The following EXOC4 variants were observed in gnomAD, a reference collection of about 807,000 sequenced individuals.
The protein encoded by EXOC4 is exocyst complex component 4.
A neutral mutation model predicts 107.2 loss-of-function variants in EXOC4; 71 were observed. The ratio of observed to expected loss-of-function variants is 0.66; its 90% CI spans 0.55 to 0.81. The LOEUF is 0.81. EXOC4 is among the 30% of genes least tolerant of loss of function. The pLI is 0.00. For synonymous variants in EXOC4, 456 were observed against 441.2 expected, an observed-to-expected ratio of 1.03 and a Z score of -0.42; for missense variants, 1,108 against 1,189.6, an observed-to-expected ratio of 0.93 and a Z score of 1.01.
At chr7:133,939,295 T>G (rs1800373955) in intron 14 of EXOC4, among the ~76,000 whole-genome samples, 1 of 152,090 alleles carries the variant, frequency 6.6e-6, no homozygotes, top group South Asian at 2.1e-4. Context: ...TGGAAAGGTG[T>G]GGATTAAATT....
At chr7:133,374,136 C>G (rs1796435591) in intron 6 of EXOC4, among the ~76,000 whole-genome samples, 1 of 152,148 alleles carries the variant, frequency 6.6e-6, no homozygotes, top group Non-Finnish European at 1.5e-5. Flanking sequence ...AATGTACTGA[C>G]ATGGAAATCA....
At chr7:133,814,526 T>C (rs2550990) in intron 10 of EXOC4, among the ~76,000 whole-genome samples, 132,079 of 152,144 alleles carry the variant, frequency 0.87, 57,498 homozygotes, top group East Asian at 0.99. Flanking sequence ...GATATAGCTC[T>C]CAGAAGAATT....
At chr7:134,050,532 T>C (rs1469195713) in intron 17 of EXOC4, among the ~76,000 whole-genome samples, 2 of 152,166 alleles carry the variant, frequency 1.3e-5, no homozygotes, top group Non-Finnish European at 2.9e-5. Flanking sequence ...AAATGTTAAG[T>C]GGGTTACCCA....
intron 1 of EXOC4, among the ~76,000 whole-genome samples, chr7:133,263,799 A>G (rs1043354783): frequency 6.6e-6 from 1 of 151,860 alleles, no homozygotes; most frequent in Non-Finnish European, 1.5e-5. Flanking sequence ...AGGTTGATTG[A>G]TTGATGTTTT....
At chr7:134,096,788 C>T in the EXOC4 span, among the ~76,000 whole-genome samples, 4 of 152,090 alleles carry the variant, frequency 2.6e-5, no homozygotes, top group African/African-American at 9.7e-5. Flanking sequence ...ATTCTAGCCT[C>T]GCTGGCAGCT....
chr7:133,968,193 G>C (rs1014981044), intron 14 of EXOC4, among the ~76,000 whole-genome samples: 1 of 152,016 alleles, frequency 6.6e-6, no homozygotes, highest in Non-Finnish European at 1.5e-5. Flanking sequence ...CCATTTGCTT[G>C]GTAAATATTC....
intron 7 of EXOC4, among the ~76,000 whole-genome samples, chr7:133,405,780 A>C (rs1053636850): frequency 2.0e-5 from 3 of 152,202 alleles, no homozygotes; most frequent in African/African-American, 7.2e-5. Flanking sequence ...AGTTATGTGA[A>C]TATGCGCTTG....
chr7:133,886,507 A>G (rs1420318103), intron 11 of EXOC4, among the ~76,000 whole-genome samples: 3 of 151,966 alleles, frequency 2.0e-5, no homozygotes, highest in South Asian at 2.1e-4. Context: ...TTTCCACAGC[A>G]ATGTTTTTTT....
At chr7:133,517,734 A>AT (rs1253957098) in intron 9 of EXOC4, among the ~76,000 whole-genome samples, 1 of 152,210 alleles carries the variant, frequency 6.6e-6, no homozygotes, top group East Asian at 1.9e-4. Flanking sequence ...ATACGTGGTA[A>AT]TTAAGGGAGC....
intron 7 of EXOC4, among the ~76,000 whole-genome samples, chr7:133,461,685 G>T (rs1387036044): frequency 6.6e-6 from 1 of 152,102 alleles, no homozygotes; most frequent in Non-Finnish European, 1.5e-5. Context: ...TATAATGTAA[G>T]TAAATTAATG....
intron 7 of EXOC4, among the ~76,000 whole-genome samples, chr7:133,416,527 A>G (rs555976702): frequency 5.9e-5 from 9 of 152,306 alleles, no homozygotes; most frequent in South Asian, 4.1e-4. Context: ...ATGCATAAGT[A>G]AATATATCTT....
At chr7:133,311,277 G>T (rs1446277412) in intron 4 of EXOC4, among the ~76,000 whole-genome samples, 2 of 152,100 alleles carry the variant, frequency 1.3e-5, no homozygotes, top group African/African-American at 4.8e-5. Flanking sequence ...AAAGCATATT[G>T]TAAAGCTGTT....
chr7:133,989,856 C>T (rs924017087), intron 14 of EXOC4, among the ~76,000 whole-genome samples: 1 of 151,938 alleles, frequency 6.6e-6, no homozygotes, highest in African/African-American at 2.4e-5. Context: ...AGGAGAACAG[C>T]GCGAATTTGG....
At chr7:134,065,926 A>C (rs1463073023), downstream of EXOC4, 1 of 152,250 alleles carries the variant, frequency 6.6e-6, no homozygotes, top group Non-Finnish European at 1.5e-5. Context: ...CCAACAGCTC[A>C]AACTCAGGGC....
At position 134,057,506 on chromosome 7, in the gene EXOC4, T is replaced by C. The variant is rs189074399; in HGVS notation, c.2688-6785T>C. Reference sequence around the variant, plus strand: ...AACTTCAGCTCATTTTAAATTAGAATTTTCAATCATGTTTGTAATAAACTT... The same window carrying C: ...AACTTCAGCTCATTTTAAATTAGAACTTTCAATCATGTTTGTAATAAACTT... On this transcript the variant is annotated intron_variant, in intron 17 of 17. Coordinates refer to ENST00000253861, the MANE Select transcript of EXOC4 (RefSeq NM_021807.4). Among the ~76,000 whole-genome samples, 1,177 of 152,330 alleles carry C rather than the reference T, an allele frequency of 7.7e-3. 20 individuals are homozygous for C. Among genetic ancestry groups the C allele is most frequent in the African/African-American group, 0.027 (1,143 of 41,574 alleles).
intron 9 of EXOC4, among the ~76,000 whole-genome samples, chr7:133,521,320 GA>G (rs1395520668): frequency 2.0e-5 from 3 of 151,910 alleles, no homozygotes; most frequent in Admixed American, 6.6e-5. Context: ...AAGCACAGGA[GA>G]AAAAAACAAA....
chr7:133,326,789 A>G (rs541513700), intron 5 of EXOC4, among the ~76,000 whole-genome samples: 6 of 152,206 alleles, frequency 3.9e-5, no homozygotes, highest in Non-Finnish European at 7.3e-5. Context: ...TCGTTCGGCT[A>G]TGCCCTGCCC....
intron 11 of EXOC4, among the ~76,000 whole-genome samples, chr7:133,859,621 T>C (rs1052802867): frequency 1.4e-4 from 21 of 152,346 alleles, no homozygotes; most frequent in Admixed American, 1.0e-3. Flanking sequence ...ACTAGAGAGC[T>C]GCTTTCATGC....
At chr7:133,579,895 C>G (rs928106274) in intron 9 of EXOC4, among the ~76,000 whole-genome samples, 3 of 111,572 alleles carry the variant, frequency 2.7e-5, no homozygotes, top group Non-Finnish European at 6.9e-5. Context: ...ACCATGTTGG[C>G]CAGGATGGCC....
Sources: gnomAD v4.1 joint callset for allele counts (sites outside exome capture counted in the v4.1 genomes callset) on GRCh38, gnomAD v4.1.1 for gene constraint, MANE v1.5 for transcripts, NCBI Gene and HGNC (gene_info 2026-07-23, HGNC 2026-07-21) for gene names.